The following IL12RB2 variants were observed in gnomAD, a reference collection of about 807,000 sequenced individuals.
IL12RB2 encodes the protein interleukin 12 receptor subunit beta 2, also known as interleukin-12 receptor subunit beta-2.
IL12RB2 carries 82 observed loss-of-function variants against 89.4 expected under a neutral mutation model. That is an observed-to-expected ratio of 0.92 (90% CI 0.77 to 1.10). The LOEUF (loss-of-function observed/expected upper bound fraction) is 1.10, where lower values mean the gene tolerates loss of function less well. Ranked by LOEUF, IL12RB2 falls within the 50% of genes least tolerant of loss-of-function variation. IL12RB2 has a pLI of 0.00. For missense variants in IL12RB2, 963 were observed against 1,031.9 expected (o/e 0.93, Z 0.92); for synonymous variants, 368 against 370.1 (o/e 0.99, Z 0.07).
chr1:67,374,978 T>C lies in IL12RB2; in HGVS notation c.1717+2195T>C, dbSNP rs75491419. 8.9e-3 allele frequency among the ~76,000 whole-genome samples: 1,360 copies of C among 152,076 alleles called. 14 individuals are homozygous for C. The highest frequency in any genetic ancestry group is 0.032 in the African/African-American group (1,313 of 41,468). On this transcript the variant is annotated intron_variant, in intron 13 of 16. Coordinates refer to ENST00000674203, the MANE Select transcript of IL12RB2 (RefSeq NM_001374259.2). ...GCTAAAAGGGGAGGGAGAGTGCAGA[T>C]TCACAGTCCTATTTTATACTAGTTT...
chr1:67,327,180 C>T (rs1314100995), intron 5 of IL12RB2, among the ~76,000 whole-genome samples: 4 of 151,998 alleles, frequency 2.6e-5, no homozygotes, highest in East Asian at 1.9e-4. Flanking sequence ...AGGATGGTCT[C>T]GATCTCTTGA....
In IL12RB2 at chr1:67,328,284, C is replaced by G. The variant is rs147139095; in HGVS notation, c.564C>G (p.Thr188=). ...ATTTGGACTTTGGAATCAACCTCACCCCTGAATCACCTGAATCCAATTTCA... is the reference window on the plus strand; with the variant it reads ...ATTTGGACTTTGGAATCAACCTCACGCCTGAATCACCTGAATCCAATTTCA... ...CDYLDFGINL[T]PESPESNFTA... is the part of the protein sequence containing the mutation. The change falls in exon 6 of 17, where the codon ACC becomes ACG. Residue 188 remains threonine, a synonymous_variant. Transcript: ENST00000674203. 5.0e-6 allele frequency: 8 copies of G among 1,614,094 alleles called. No homozygotes were observed. The highest frequency in any genetic ancestry group is 6.8e-6 in the Non-Finnish European group (8 of 1,180,008).
chr1:67,384,670 C>T (rs1466849590), intron 14 of IL12RB2, among the ~76,000 whole-genome samples: 2 of 152,308 alleles, frequency 1.3e-5, no homozygotes, highest in Non-Finnish European at 1.5e-5. Flanking sequence ...TGTTCTGCTT[C>T]CTCTTGAATG....
At chr1:67,346,083 G>A (rs1157193177) in intron 9 of IL12RB2, among the ~76,000 whole-genome samples, 1 of 152,112 alleles carries the variant, frequency 6.6e-6, no homozygotes, top group Non-Finnish European at 1.5e-5. Flanking sequence ...GCATGGTCCA[G>A]CAGTTAAGAG....
intron 16 of IL12RB2, among the ~76,000 whole-genome samples, chr1:67,391,939 G>A (rs937142524): frequency 3.9e-5 from 6 of 152,076 alleles, no homozygotes; most frequent in Non-Finnish European, 7.4e-5. Context: ...CACCATGCCC[G>A]GCATGAGGTT....
rs114221159 is a variant in IL12RB2 at position 67,312,433 on chromosome 1, T to C, written c.-124-1480T>C. Reference sequence around the variant, plus strand: ...ATCTTGTTTCTTTCTTTCTTTTTACTGTTATATTGGAGAAATGCTTGTTCA... The same window carrying C: ...ATCTTGTTTCTTTCTTTCTTTTTACCGTTATATTGGAGAAATGCTTGTTCA... On this transcript the variant is annotated intron_variant, in intron 1 of 16. Coordinates refer to ENST00000674203, the MANE Select transcript of IL12RB2 (RefSeq NM_001374259.2). 7.5e-3 allele frequency among the ~76,000 whole-genome samples: 1,139 copies of C among 152,334 alleles called. 22 individuals are homozygous for C. The highest frequency in any genetic ancestry group is 0.026 in the African/African-American group (1,096 of 41,584).
intron 10 of IL12RB2, among the ~76,000 whole-genome samples, chr1:67,354,273 G>T (rs1004554544): frequency 6.6e-6 from 1 of 152,138 alleles, no homozygotes; most frequent in African/African-American, 2.4e-5. Flanking sequence ...GTGTGCAGGC[G>T]TGAGGGTTTG....
chr1:67,350,858 G>A lies in IL12RB2; in HGVS notation c.1039-12G>A, dbSNP rs752007255. The A allele has an allele frequency of 5.0e-6, 8 of 1,613,824 alleles. No individual in the cohort carries two copies. Among genetic ancestry groups the A allele is most frequent in the Non-Finnish European group, 6.8e-6 (8 of 1,179,884 alleles). Reference sequence around the variant, plus strand: ...CTGGGAGTAAATAGTGAATAAATGTGTCTTGTTGCAGAATCTGAGTGTCTC... The same window carrying A: ...CTGGGAGTAAATAGTGAATAAATGTATCTTGTTGCAGAATCTGAGTGTCTC... On this transcript the variant is annotated splice_polypyrimidine_tract_variant and intron_variant, in intron 9 of 16. Coordinates refer to ENST00000674203, the MANE Select transcript of IL12RB2 (RefSeq NM_001374259.2).
chr1:67,311,790 T>A (rs1378189395), intron 1 of IL12RB2, among the ~76,000 whole-genome samples: 2 of 152,096 alleles, frequency 1.3e-5, no homozygotes, highest in East Asian at 3.9e-4. Flanking sequence ...GTTTTTTAAT[T>A]CCCCTCCCAA....
intron 13 of IL12RB2, among the ~76,000 whole-genome samples, chr1:67,377,951 C>T (rs907849965): frequency 9.2e-5 from 14 of 151,848 alleles, no homozygotes; most frequent in Non-Finnish European, 1.8e-4. Context: ...CATGGTGAAA[C>T]TCCCATCTCT....
chr1:67,369,111 A>G (rs556648197), intron 11 of IL12RB2, among the ~76,000 whole-genome samples: 1 of 152,308 alleles, frequency 6.6e-6, no homozygotes, highest in East Asian at 1.9e-4. Flanking sequence ...TTAACTGTGT[A>G]CCTCTTTTGT....
rs548747539 is a variant in IL12RB2 at position 67,325,046 on chromosome 1, A to G, written c.365-1689A>G. 7.0e-4 allele frequency among the ~76,000 whole-genome samples: 106 copies of G among 152,362 alleles called. 2 individuals are homozygous for G. The South Asian group carries it at 0.021, about 31-fold the overall frequency. On this transcript the variant is annotated intron_variant, in intron 4 of 16. Transcript: ENST00000674203. ...TGTGACCTTCAACATGTTACCTAAC[A>G]TCTCTGAGCCTCAGCTTCTTCATCC...
At chr1:67,328,111 T>G in intron 5 of IL12RB2, 89 bp from the exon 6 acceptor site, 1 of 959,536 alleles carries the variant, frequency 1.0e-6, no homozygotes, top group Non-Finnish European at 1.7e-6. Context: ...TCTAGAATTC[T>G]AAATATTTAA....
At chr1:67,315,975 C>G (rs1655704583) in intron 2 of IL12RB2, among the ~76,000 whole-genome samples, 1 of 152,056 alleles carries the variant, frequency 6.6e-6, no homozygotes, top group East Asian at 1.9e-4. Context: ...ACTAATATAA[C>G]AAAAAATCCA....
intron 8 of IL12RB2, among the ~76,000 whole-genome samples, chr1:67,332,789 T>C (rs1342982521): frequency 6.6e-6 from 1 of 152,238 alleles, no homozygotes; most frequent in Non-Finnish European, 1.5e-5. Flanking sequence ...ATTTAAGTTA[T>C]ATCACATTAA....
rs113519363 is a variant in IL12RB2 at position 67,315,615 on chromosome 1, A to G, written c.-37+1615A>G. ...AACAGGAAAAAAATAATACAAATTT[A>G]CTCAACAAATATTATGGGACATGGG... On this transcript the variant is annotated intron_variant, in intron 2 of 16. Transcript: ENST00000674203. Among the ~76,000 whole-genome samples, 437 of 152,336 alleles carry G rather than the reference A, an allele frequency of 2.9e-3. 6 individuals carry two copies. Among genetic ancestry groups the G allele is most frequent in the African/African-American group, 9.9e-3 (411 of 41,574 alleles).
chr1:67,330,845 C>G (rs985464655), intron 8 of IL12RB2, 35 bp downstream of exon 8: 1 of 1,201,898 alleles, frequency 8.3e-7, no homozygotes, highest in Non-Finnish European at 1.2e-6. Context: ...TATCGGGGAG[C>G]AATAAAGGGG....
At chr1:67,382,633 GT>G (rs961648072) in intron 14 of IL12RB2, among the ~76,000 whole-genome samples, 21 of 148,306 alleles carry the variant, frequency 1.4e-4, no homozygotes, top group African/African-American at 4.7e-4. Context: ...CCTTTGCATA[GT>G]TTTTTTTTTC....
At chr1:67,312,437 A>G (rs760506138) in intron 1 of IL12RB2, among the ~76,000 whole-genome samples, 2 of 152,122 alleles carry the variant, frequency 1.3e-5, no homozygotes, top group East Asian at 1.9e-4. Flanking sequence ...TTTTACTGTT[A>G]TATTGGAGAA....
Sources: gnomAD v4.1 joint callset for allele counts (sites outside exome capture counted in the v4.1 genomes callset) on GRCh38, gnomAD v4.1.1 for gene constraint, MANE v1.5 for transcripts, NCBI Gene and HGNC (gene_info 2026-07-23, HGNC 2026-07-21) for gene names.